Variants in AGPAT3 observed in about 807,000 individuals in gnomAD.
The protein encoded by AGPAT3 is 1-acyl-sn-glycerol-3-phosphate acyltransferase gamma.
Under a neutral mutation model 47.3 loss-of-function variants are expected in AGPAT3, and 5 were observed. The ratio of observed to expected loss-of-function variants is 0.11; its 90% CI spans 0.06 to 0.22. The LOEUF (loss-of-function observed/expected upper bound fraction) is 0.22. Among genes scored for constraint, AGPAT3 ranks in the 10% least tolerant of loss-of-function variants. The pLI is 1.00. For synonymous variants in AGPAT3, 212 were observed against 208.3 expected (o/e 1.02, Z -0.15); for missense variants, 315 against 493.0 (o/e 0.64, Z 3.42).
At chr21:43,898,004 G>A (rs1009257788) in intron 1 of AGPAT3, among the ~76,000 whole-genome samples, 4 of 152,210 alleles carry the variant, frequency 2.6e-5, no homozygotes, top group Non-Finnish European at 5.9e-5. Flanking sequence ...GGCGGCGCGC[G>A]CCTGCAATCC....
At chr21:43,918,795 T>G (rs1352614633) in intron 2 of AGPAT3, among the ~76,000 whole-genome samples, 1 of 152,216 alleles carries the variant, frequency 6.6e-6, no homozygotes, top group Admixed American at 6.5e-5. Flanking sequence ...CAGGCTGGTC[T>G]TGAACTCCTG....
At chr21:43,973,897 A>C (rs1399765225) in intron 7 of AGPAT3, among the ~76,000 whole-genome samples, 2 of 152,256 alleles carry the variant, frequency 1.3e-5, no homozygotes, top group Non-Finnish European at 2.9e-5. Context: ...AAGTGGCTTG[A>C]GTCAGCTCCA....
At chr21:43,867,553 G>A (rs2085534967) in intron 1 of AGPAT3, 1 of 152,302 alleles carries the variant, frequency 6.6e-6, no homozygotes, top group Non-Finnish European at 1.5e-5. Context: ...TGGCACTGAA[G>A]AGCCAGTGCA....
chr21:43,915,303 C>T (rs2086703291), intron 2 of AGPAT3, among the ~76,000 whole-genome samples: 1 of 151,318 alleles, frequency 6.6e-6, no homozygotes, highest in Admixed American at 6.6e-5. Context: ...CCGCCCTCCT[C>T]AACTTCCCAA....
chr21:43,957,660 C>T (rs557641400), intron 2 of AGPAT3, among the ~76,000 whole-genome samples: 16 of 148,152 alleles, frequency 1.1e-4, no homozygotes, highest in Non-Finnish European at 1.9e-4. Flanking sequence ...CCCCTCCACA[C>T]GGGGGTCTCG....
chr21:43,878,544 TCTC>T (rs1663191833), intron 1 of AGPAT3, among the ~76,000 whole-genome samples: 1 of 152,200 alleles, frequency 6.6e-6, no homozygotes, highest in South Asian at 2.1e-4. Flanking sequence ...GTACAGTTCT[TCTC>T]TAGTCAATGT....
At chr21:43,889,447 T>G (rs2145918603) in intron 1 of AGPAT3, among the ~76,000 whole-genome samples, 1 of 152,362 alleles carries the variant, frequency 6.6e-6, no homozygotes, top group South Asian at 2.1e-4. Context: ...TAATATCATG[T>G]TAAAAAGTCC....
Position 43,959,548 on chromosome 21 carries a change from G to A in AGPAT3, c.-48-86G>A, listed in dbSNP as rs371465467. On this transcript the variant is annotated intron_variant, in intron 2 of 9. Transcript: ENST00000291572. The stretch of plus-strand genomic sequence containing the variant: ...GTGTGTATAAGCGTGAGGCATGTGC[G>A]GGGTGTGCAGTGAGCAGTGCCCCGG... 5.4e-3 allele frequency: 6,624 copies of A among 1,218,348 alleles called. 292 individuals carry two copies. In the South Asian group the frequency reaches 0.072, roughly 13 times the overall value. 75.5% of individuals were successfully genotyped at this position (1,218,348 alleles called of 1,614,324 possible). A position where few individuals can be genotyped will look rare whatever the true frequency, so the allele number is the denominator to read the frequency against.
At chr21:43,942,500 C>A (rs1601373504) in intron 2 of AGPAT3, among the ~76,000 whole-genome samples, 1 of 152,346 alleles carries the variant, frequency 6.6e-6, no homozygotes, top group Admixed American at 6.5e-5. Flanking sequence ...GCCAGCTCTT[C>A]CTGGAGACGC....
chr21:43,883,715 A>G (rs2085903504), intron 1 of AGPAT3, among the ~76,000 whole-genome samples: 1 of 152,120 alleles, frequency 6.6e-6, no homozygotes, highest in African/African-American at 2.4e-5. Context: ...TGCCTCAGGC[A>G]CCCAAGTAGC....
At position 43,955,013 on chromosome 21, in the gene AGPAT3, C is replaced by A; in HGVS notation, c.-48-4621C>A. 8.7e-7 allele frequency: 1 copy of A among 1,143,288 alleles called. No homozygotes were observed. Among genetic ancestry groups the A allele is most frequent in the Non-Finnish European group, 1.1e-6 (1 of 908,802 alleles). The allele number at this position is 1,143,288 out of a possible 1,614,324, so 70.8% of individuals were successfully genotyped here. On this transcript the variant is annotated intron_variant, in intron 2 of 9. Transcript: ENST00000291572. This position sits in a 1 kb window ranked among gnomAD's most constrained non-coding sequence, Gnocchi z 4.1. Reference sequence around the variant, plus strand: ...TTCTCGAGGGGAAGCTGCATCCACACAGAGGCTGGGACGTGAATGTGCATC... The same window carrying A: ...TTCTCGAGGGGAAGCTGCATCCACAAAGAGGCTGGGACGTGAATGTGCATC...
chr21:43,906,782 G>A (rs1254912768), intron 2 of AGPAT3, among the ~76,000 whole-genome samples: 2 of 152,202 alleles, frequency 1.3e-5, no homozygotes, highest in Non-Finnish European at 1.5e-5. Flanking sequence ...ACACACTGCC[G>A]GCTACTTGCC....
intron 7 of AGPAT3, 35 bp downstream of exon 7, chr21:43,971,525 C>G: frequency 1.9e-6 from 3 of 1,600,592 alleles, no homozygotes; most frequent in South Asian, 1.1e-5. Context: ...GCGCCGCCCC[C>G]CATACCTTCA....
rs2086869007 is a variant in AGPAT3, at chr21:43,920,513, C to G, written c.-49+16494C>G. Among the ~76,000 whole-genome samples, 1 of 152,120 alleles carries G rather than the reference C, an allele frequency of 6.6e-6. No homozygotes were observed. The highest frequency in any genetic ancestry group is 2.4e-5 in the African/African-American group (1 of 41,400). On this transcript the variant is annotated intron_variant, in intron 2 of 9. Transcript: ENST00000291572. The surrounding 1 kb of genome is among the most constrained non-coding windows in gnomAD (Gnocchi z 6.1). ...ACTGTGGCTGGGGCTCCAGGACAGC[C>G]TCCTGGGGGACTGGTTGCCAGGGCA...
chr21:43,876,219 CT>C (rs1460800619), intron 1 of AGPAT3, among the ~76,000 whole-genome samples: 2 of 151,848 alleles, frequency 1.3e-5, no homozygotes, highest in Non-Finnish European at 2.9e-5. Context: ...CTCTTTATGT[CT>C]AAACATACTT....
At chr21:43,948,483 G>C (rs2088018088) in intron 2 of AGPAT3, 1 of 152,208 alleles carries the variant, frequency 6.6e-6, no homozygotes, top group South Asian at 2.1e-4. Context: ...TTATGGCTTA[G>C]ATCTGGGGCT....
chr21:43,873,329 G>A (rs1431480769), intron 1 of AGPAT3, among the ~76,000 whole-genome samples: 1 of 152,224 alleles, frequency 6.6e-6, no homozygotes, highest in African/African-American at 2.4e-5. Flanking sequence ...AACGCTGGGT[G>A]GAAGGAGTGA....
chr21:43,980,876 G>A (rs1415996868), intron 8 of AGPAT3, 113 bp from the exon 9 acceptor site: 24 of 1,019,588 alleles, frequency 2.4e-5, no homozygotes, highest in South Asian at 3.0e-5. Flanking sequence ...CTTAATTGAC[G>A]TGGCGCTTTT....
rs1330585025 is a variant in AGPAT3, at chr21:43,880,844, GTT to G, written c.-112+15501_-112+15502del. Among the ~76,000 whole-genome samples, 1 of 152,140 alleles carries G rather than the reference GTT, an allele frequency of 6.6e-6. No homozygotes were observed. The highest frequency in any genetic ancestry group is 1.9e-4 in the East Asian group (1 of 5,198). On this transcript the variant is annotated intron_variant, in intron 1 of 9. Coordinates refer to ENST00000291572, the MANE Select transcript of AGPAT3 (RefSeq NM_020132.5). The surrounding 1 kb of genome is among the most constrained non-coding windows in gnomAD (Gnocchi z 4.5). ...TCCCTGGACATTTCCAGTCGACTGT[GTT>G]TGACATGGTGGTGAATTGGACACGT...
Sources: allele counts gnomAD v4.1 joint callset (sites outside exome capture counted in the v4.1 genomes callset), GRCh38; gene constraint gnomAD v4.1.1; non-coding constraint Gnocchi (gnomAD v3.1); transcripts MANE v1.5; gene names NCBI Gene and HGNC (gene_info 2026-07-23, HGNC 2026-07-21).